Variants in SLC3A1 observed in about 807,000 individuals in gnomAD.
SLC3A1 encodes the protein solute carrier family 3 member 1, also known as amino acid transporter heavy chain SLC3A1.
A neutral mutation model predicts 60.3 loss-of-function variants in SLC3A1; 78 were observed. The ratio of observed to expected loss-of-function variants is 1.29; its 90% CI spans 1.08 to 1.56. The LOEUF (loss-of-function observed/expected upper bound fraction) is 1.56, where lower values mean the gene tolerates loss of function less well. Ranked by LOEUF, SLC3A1 falls within the 40% of genes most tolerant of loss-of-function variation. The pLI is 0.00. For synonymous variants in SLC3A1, 392 were observed against 307.9 expected, an observed-to-expected ratio of 1.27 and a Z score of -2.86; for missense variants, 1,172 against 858.9, an observed-to-expected ratio of 1.36 and a Z score of -4.56.
At position 44,288,392 on chromosome 2, in the gene SLC3A1, C is replaced by T. The variant is rs1287885609; in HGVS notation, c.891+2235C>T. 3.3e-5 allele frequency among the ~76,000 whole-genome samples: 5 copies of T among 151,750 alleles called. No homozygotes were observed. In the South Asian group the frequency reaches 6.3e-4, roughly 19 times the overall value. On this transcript the variant is annotated intron_variant, in intron 4 of 9. Transcript: ENST00000260649. ...ATCCATCAACAGTCACTCCTTATGG[C>T]CCCCTCCCTTTCTTCCCCCACCCCC... is the stretch of plus-strand genomic sequence containing the variant.
intron 1 of SLC3A1, 40 bp from the exon 2 acceptor site, chr2:44,280,676 C>T (rs1196745370): frequency 6.9e-7 from 1 of 1,445,098 alleles, no homozygotes; most frequent in Admixed American, 1.7e-5. Flanking sequence ...TTAACTAAAA[C>T]AAAGTAGGGT....
In SLC3A1 at chr2:44,304,264, T is replaced by C. The variant is rs370023281; in HGVS notation, c.1258T>C (p.Ser420Pro). 1.9e-6 allele frequency: 3 copies of C among 1,614,052 alleles called. No homozygotes were observed. Among genetic ancestry groups the C allele is most frequent in the African/African-American group, 2.7e-5 (2 of 74,950 alleles). Residue 420 changes from serine to proline, a missense_variant, in exon 7 of 10, where the codon TCT becomes CCT. Coordinates refer to ENST00000260649, the MANE Select transcript of SLC3A1 (RefSeq NM_000341.4). The part of the protein sequence containing the change: ...NNYLSMLDTV[S>P]GNSVYEVITS... Reference sequence around the variant, plus strand: ...TTACCTCAGCATGCTAGACACTGTTTCTGGGAACAGCGTGTATGAGGTTAT... The same window carrying C: ...TTACCTCAGCATGCTAGACACTGTTCCTGGGAACAGCGTGTATGAGGTTAT...
chr2:44,284,589 G>T (rs564830596), intron 3 of SLC3A1, among the ~76,000 whole-genome samples: 2 of 151,916 alleles, frequency 1.3e-5, no homozygotes, highest in African/African-American at 4.8e-5. Context: ...TTGTGTCAGG[G>T]TCTCATTCTG....
chr2:44,297,122 C>T (rs758752763), intron 4 of SLC3A1, among the ~76,000 whole-genome samples: 5 of 152,130 alleles, frequency 3.3e-5, no homozygotes, highest in African/African-American at 7.2e-5. Context: ...GCTCTGTTTC[C>T]CTCCATAGGT....
chr2:44,286,755 G>C (rs959930016), intron 4 of SLC3A1, among the ~76,000 whole-genome samples: 2 of 147,578 alleles, frequency 1.4e-5, no homozygotes, highest in Admixed American at 6.8e-5. Flanking sequence ...TGAGCTGTGC[G>C]GTGTCTGTGA....
chr2:44,278,205 G>A (rs1458500527), intron 1 of SLC3A1, among the ~76,000 whole-genome samples: 2 of 152,100 alleles, frequency 1.3e-5, no homozygotes, highest in African/African-American at 2.4e-5. Flanking sequence ...AGCACTTTGG[G>A]AGGCCGAGGC....
intron 8 of SLC3A1, among the ~76,000 whole-genome samples, chr2:44,313,419 G>A (rs1393630778): frequency 2.6e-5 from 4 of 152,164 alleles, no homozygotes; most frequent in Non-Finnish European, 5.9e-5. Flanking sequence ...GTGCACTCAT[G>A]AGCAATAATC....
intron 3 of SLC3A1, among the ~76,000 whole-genome samples, chr2:44,283,361 G>C (rs763967013): frequency 2.6e-5 from 4 of 152,140 alleles, no homozygotes; most frequent in Admixed American, 6.5e-5. Context: ...TCACTGACTT[G>C]TTAAAATTGC....
intron 9 of SLC3A1, chr2:44,319,968 C>T (rs1672783056): frequency 3.8e-6 from 2 of 521,616 alleles, no homozygotes; most frequent in East Asian, 3.5e-5. Context: ...TGTAGCAGAG[C>T]ACTGTGCGTA....
intron 7 of SLC3A1, among the ~76,000 whole-genome samples, chr2:44,310,689 G>T (rs534832445): frequency 6.6e-6 from 1 of 151,290 alleles, no homozygotes; most frequent in Non-Finnish European, 1.5e-5. Flanking sequence ...GAAGTTGTTG[G>T]CTATTTTTTT....
intron 4 of SLC3A1, among the ~76,000 whole-genome samples, chr2:44,291,578 G>A (rs1018751411): frequency 3.9e-5 from 6 of 152,170 alleles, no homozygotes; most frequent in African/African-American, 1.4e-4. Flanking sequence ...GAGAAGCTGA[G>A]AGGAAAGCCT....
At chr2:44,283,983 T>C (rs184786848) in intron 3 of SLC3A1, among the ~76,000 whole-genome samples, 13 of 152,296 alleles carry the variant, frequency 8.5e-5, no homozygotes, top group Non-Finnish European at 1.9e-4. Context: ...TTATCCACTC[T>C]TCAGTTGATG....
chr2:44,319,983 T>C (rs556810681), intron 9 of SLC3A1: 36 of 556,062 alleles, frequency 6.5e-5, no homozygotes, highest in South Asian at 4.8e-4. Flanking sequence ...TGCGTACTTA[T>C]TGACTCCCAG....
At position 44,310,690 on chromosome 2, in the gene SLC3A1, C is replaced by A. The variant is rs144785893; in HGVS notation, c.1333-1896C>A. ...AAAATCAAATTTGGGAAGTTGTTGG[C>A]TATTTTTTTTTTAAATATTGTTTCT... is the stretch of plus-strand genomic sequence containing the variant. On this transcript the variant is annotated intron_variant, in intron 7 of 9. Coordinates refer to ENST00000260649, the MANE Select transcript of SLC3A1 (RefSeq NM_000341.4). 2.6e-3 allele frequency among the ~76,000 whole-genome samples: 395 copies of A among 150,834 alleles called. 4 individuals are homozygous for A. The highest frequency in any genetic ancestry group is 9.2e-3 in the African/African-American group (378 of 41,250).
intron 7 of SLC3A1, among the ~76,000 whole-genome samples, chr2:44,309,260 T>C (rs1186279901): frequency 6.6e-6 from 1 of 152,194 alleles, no homozygotes; most frequent in Non-Finnish European, 1.5e-5. Context: ...ATTTTCAGCC[T>C]CTATAAATTT....
chr2:44,303,644 A>G (rs1409155615), intron 6 of SLC3A1, among the ~76,000 whole-genome samples: 6 of 151,950 alleles, frequency 3.9e-5, no homozygotes, highest in Non-Finnish European at 8.8e-5. Flanking sequence ...GGTTTGTTAC[A>G]TAGGTATACA....
At chr2:44,302,117 C>T (rs996866946) in intron 6 of SLC3A1, among the ~76,000 whole-genome samples, 10 of 152,092 alleles carry the variant, frequency 6.6e-5, no homozygotes, top group Admixed American at 3.3e-4. Flanking sequence ...GTTATTGGAT[C>T]TATAGTTTCC....
At chr2:44,317,459 C>CAAAAAAA (rs3074505) in intron 9 of SLC3A1, among the ~76,000 whole-genome samples, 2 of 141,606 alleles carry the variant, frequency 1.4e-5, no homozygotes, top group African/African-American at 5.2e-5. Flanking sequence ...GAGATTGTGT[C>CAAAAAAA]AAAAAAAAAA....
intron 6 of SLC3A1, 132 bp from the exon 7 acceptor site, chr2:44,304,011 G>T (rs373039572): frequency 2.6e-6 from 2 of 762,152 alleles, no homozygotes; most frequent in Admixed American, 1.8e-5. Context: ...CTTTCTAGAA[G>T]GTGCTAGTCC....
Sources: allele counts gnomAD v4.1 joint callset (sites outside exome capture counted in the v4.1 genomes callset), GRCh38; gene constraint gnomAD v4.1.1; transcripts MANE v1.5; gene names NCBI Gene and HGNC (gene_info 2026-07-23, HGNC 2026-07-21).